Variants in CHRDL2 observed in about 807,000 individuals in gnomAD.
CHRDL2 encodes chordin like 2, also known as chordin-like protein 2.
CHRDL2 carries 41 observed loss-of-function variants against 54.3 expected under a neutral mutation model. The ratio of observed to expected loss-of-function variants is 0.76; its 90% confidence interval spans 0.59 to 0.98. The LOEUF is 0.98. Ranked by LOEUF, CHRDL2 falls within the 50% of genes least tolerant of loss-of-function variation. CHRDL2 has a pLI of 0.00. For missense variants in CHRDL2, 518 were observed against 562.4 expected (o/e 0.92, Z 0.80); for synonymous variants, 220 against 224.3 (o/e 0.98, Z 0.17).
intron 1 of CHRDL2, among the ~76,000 whole-genome samples, chr11:74,730,166 T>A (rs935125863): frequency 6.6e-6 from 1 of 152,132 alleles, no homozygotes; most frequent in African/African-American, 2.4e-5. Context: ...TCTATCTCAC[T>A]GTGCCCTGCC....
intron 9 of CHRDL2, among the ~76,000 whole-genome samples, chr11:74,700,109 C>T (rs1021933177): frequency 2.0e-5 from 3 of 152,248 alleles, no homozygotes; most frequent in Admixed American, 6.5e-5. Context: ...TGAATCTTTG[C>T]TTTACTGCTT....
chr11:74,719,890 C>T (rs1388938088), intron 1 of CHRDL2, among the ~76,000 whole-genome samples: 1 of 152,164 alleles, frequency 6.6e-6, no homozygotes, highest in African/African-American at 2.4e-5. Flanking sequence ...ACCTCCCAGC[C>T]CAGCACTGCA....
Position 74,708,372 on chromosome 11 carries a change from G to T in CHRDL2, c.456C>A (p.Leu152=). 1 of 1,588,622 alleles carries T rather than the reference G, an allele frequency of 6.3e-7. No homozygotes were observed. The highest frequency in any genetic ancestry group is 1.1e-5 in the South Asian group (1 of 87,488). Residue 152 remains leucine (L), a synonymous_variant, in exon 5 of 11, where the codon CTC becomes CTA. Coordinates refer to ENST00000376332, the MANE Select transcript of CHRDL2 (RefSeq NM_001278473.3). ...GGCAGCCTGGTTCGGGGCAGGTTGT[G>T]AGGCCGCAGTAGATCTGGCCCTCCT... ...SCTEGQIYCG[L]TTCPEPGCPA...
At chr11:74,698,230 A>ATC (rs1554983863) in intron 9 of CHRDL2, 1 of 134,248 alleles carries the variant, frequency 7.4e-6, no homozygotes, top group Non-Finnish European at 1.5e-5. Context: ...CACCTGGCTA[A>ATC]TTTTTTTTTT....
At chr11:74,703,628 T>C in intron 7 of CHRDL2, 129 bp from the exon 8 acceptor site, 2 of 746,586 alleles carry the variant, frequency 2.7e-6, no homozygotes, top group South Asian at 2.0e-5. Context: ...CCACACTGCC[T>C]GCAAAGCATA....
chr11:74,729,192 A>G (rs537843587), intron 1 of CHRDL2, among the ~76,000 whole-genome samples: 2 of 152,240 alleles, frequency 1.3e-5, no homozygotes, highest in Non-Finnish European at 2.9e-5. Context: ...ACTAAGAACA[A>G]GGTGTCAAGT....
chr11:74,718,984 C>T (rs1012939129), intron 1 of CHRDL2, 152 bp from the exon 2 acceptor site: 11 of 603,262 alleles, frequency 1.8e-5, no homozygotes, highest in Admixed American at 1.5e-4. Flanking sequence ...CTCTCCTAGG[C>T]AAGGGGCCAG....
chr11:74,700,211 C>A (rs1185760846), intron 9 of CHRDL2, among the ~76,000 whole-genome samples: 1 of 152,186 alleles, frequency 6.6e-6, no homozygotes, highest in African/African-American at 2.4e-5. Flanking sequence ...CCTTAGGTTT[C>A]TTAAGAGGAT....
At chr11:74,717,607 C>A (rs559001082) in intron 2 of CHRDL2, among the ~76,000 whole-genome samples, 11 of 152,174 alleles carry the variant, frequency 7.2e-5, no homozygotes, top group African/African-American at 2.4e-4. Context: ...AGGAGTGAGA[C>A]CCCAGTGTCA....
At chr11:74,696,696 A>G in intron 10 of CHRDL2, 111 bp from the exon 11 acceptor site, 1 of 773,628 alleles carries the variant, frequency 1.3e-6, no homozygotes, top group Non-Finnish European at 2.2e-6. Flanking sequence ...TGCAAGGGCC[A>G]GGGTTTGGAG....
chr11:74,725,179 G>C (rs1476731386), intron 1 of CHRDL2, among the ~76,000 whole-genome samples: 1 of 151,774 alleles, frequency 6.6e-6, no homozygotes, highest in African/African-American at 2.4e-5. Context: ...TTTTAGTAGA[G>C]ATGGGGTTTC....
Position 74,696,437 on chromosome 11 carries a change from A to G in CHRDL2, c.*72T>C. On this transcript the variant is annotated 3_prime_UTR_variant, in exon 11 of 11. Coordinates refer to ENST00000376332, the MANE Select transcript of CHRDL2 (RefSeq NM_001278473.3). ...AACCCAGAAGGCAGGGCTGAGGGTA[A>G]TGCAACTTCTTATTTATTAATATAT... The G allele has an allele frequency of 8.0e-7, 1 of 1,253,380 alleles. No individual in the cohort carries two copies. The highest frequency in any genetic ancestry group is 1.2e-6 in the Non-Finnish European group (1 of 868,802). The allele number at this position is 1,253,380 out of a possible 1,614,324, so 77.6% of individuals were successfully genotyped here. A position where few individuals can be genotyped will look rare whatever the true frequency, so the allele number is the denominator to read the frequency against.
chr11:74,726,187 G>A (rs184739293), intron 1 of CHRDL2, among the ~76,000 whole-genome samples: 102 of 152,220 alleles, frequency 6.7e-4, no homozygotes, highest in African/African-American at 2.3e-3. Flanking sequence ...AACAGGGTGG[G>A]GACTGTTCAC....
chr11:74,717,159 G>A (rs1406298937), intron 2 of CHRDL2, among the ~76,000 whole-genome samples: 2 of 152,138 alleles, frequency 1.3e-5, no homozygotes, highest in Admixed American at 6.5e-5. Flanking sequence ...ATTTAGGGGG[G>A]GAAACAGGAA....
chr11:74,715,624 A>AAGAAAAG (rs779350878), intron 2 of CHRDL2, among the ~76,000 whole-genome samples: 2 of 151,262 alleles, frequency 1.3e-5, no homozygotes, highest in Non-Finnish European at 2.9e-5. Flanking sequence ...AAAAAGAAAA[A>AAGAAAAG]GAAAAAAAAA....
intron 2 of CHRDL2, among the ~76,000 whole-genome samples, chr11:74,716,559 A>AG (rs1259009390): frequency 2.0e-5 from 3 of 150,660 alleles, no homozygotes; most frequent in African/African-American, 7.3e-5. Flanking sequence ...AAAAAAAAAA[A>AG]GAAAGAAAAG....
intron 1 of CHRDL2, among the ~76,000 whole-genome samples, chr11:74,728,319 C>T (rs1014795582): frequency 6.6e-6 from 1 of 152,292 alleles, no homozygotes; most frequent in Middle Eastern, 3.4e-3. Flanking sequence ...TTCTGACCCA[C>T]AACAGGCTTG....
rs2135242785 is a variant in CHRDL2, at chr11:74,704,704, C to T, written c.583-50G>A. 2 of 1,564,814 alleles carry T rather than the reference C, an allele frequency of 1.3e-6. 1 individual carries two copies. The highest frequency in any genetic ancestry group is 3.8e-5 in the Admixed American group (2 of 51,958). ...GTCACTGACTGAGCATAGCAGGCCC[C>T]AGCTGGAGCCAGAACAGCAAGACAG... On this transcript the variant is annotated intron_variant, in intron 6 of 10. Coordinates refer to ENST00000376332, the MANE Select transcript of CHRDL2 (RefSeq NM_001278473.3).
intron 1 of CHRDL2, chr11:74,719,146 A>C: frequency 4.2e-6 from 1 of 238,048 alleles, no homozygotes. Context: ...ATCAGCGTTA[A>C]TTATTATGAT....
Sources: gnomAD v4.1 joint callset for allele counts (sites outside exome capture counted in the v4.1 genomes callset) on GRCh38, gnomAD v4.1.1 for gene constraint, MANE v1.5 for transcripts, NCBI Gene and HGNC (gene_info 2026-07-23, HGNC 2026-07-21) for gene names.